GINS1: variants seen among roughly 807,000 people sequenced by gnomAD.
GINS1 encodes DNA replication complex GINS protein PSF1.
In GINS1, 26 loss-of-function variants were observed where a neutral mutation model predicts 34.9. The ratio of observed to expected loss-of-function variants is 0.74; its 90% CI spans 0.55 to 1.03. The LOEUF is 1.03. Ranked by LOEUF, GINS1 falls within the 50% of genes least tolerant of loss-of-function variation. The pLI, the probability that GINS1 is intolerant of heterozygous loss-of-function variation, is 0.00. For missense variants in GINS1, 235 were observed against 237.9 expected, an observed-to-expected ratio of 0.99 and a Z score of 0.08; for synonymous variants, 97 against 84.4, an observed-to-expected ratio of 1.15 and a Z score of -0.82.
chr20:25,444,650 T>C (rs1399028045), intron 6 of GINS1, among the ~76,000 whole-genome samples: 1 of 152,184 alleles, frequency 6.6e-6, no homozygotes, highest in Non-Finnish European at 1.5e-5. Context: ...TTGAAAAGCC[T>C]TCCTGCCTTG....
At chr20:25,427,032 C>T (rs1387102147) in intron 5 of GINS1, among the ~76,000 whole-genome samples, 2 of 152,078 alleles carry the variant, frequency 1.3e-5, no homozygotes, top group African/African-American at 2.4e-5. Flanking sequence ...AGTGGAATTA[C>T]TAGATCATAT....
At chr20:25,429,801 A>G (rs1002500102) in intron 5 of GINS1, among the ~76,000 whole-genome samples, 1 of 152,172 alleles carries the variant, frequency 6.6e-6, no homozygotes, top group African/African-American at 2.4e-5. Flanking sequence ...TTAGAATCCT[A>G]TTTCTTTTTC....
Position 25,447,115 on chromosome 20 carries a change from C to T in GINS1, c.*1124C>T, listed in dbSNP as rs1379577127. The T allele has an allele frequency of 3.3e-5, 5 of 152,012 alleles. No individual in the cohort carries two copies. The highest frequency in any genetic ancestry group is 1.2e-4 in the African/African-American group (5 of 41,364). 9.4% of individuals were successfully genotyped at this position (152,012 alleles called of 1,614,324 possible). On this transcript the variant is annotated 3_prime_UTR_variant, in exon 7 of 7. Coordinates refer to ENST00000262460, the MANE Select transcript of GINS1 (RefSeq NM_021067.5). ...GGTGCAGTGGCGTGATCTTGGCTCA[C>T]TGCAATCTCTATCCCCTGGGTTCAA...
chr20:25,419,356 CAA>C lies in GINS1; in HGVS notation c.330+1163_330+1164del, dbSNP rs546253564. Among the ~76,000 whole-genome samples, 478 of 142,506 alleles carry C rather than the reference CAA, an allele frequency of 3.4e-3. 1 individual carries two copies. The highest frequency in any genetic ancestry group is 0.015 in the Middle Eastern group (4 of 272). The allele number at this position is 142,506 out of a possible 152,430, so 93.5% of individuals were successfully genotyped here. ...CCAGAACTTAAAGAAAAAAAAAAAA[CAA>C]ATATTCAATGTGTTTGCCATTAGAT... On this transcript the variant is annotated intron_variant, in intron 4 of 6. Transcript: ENST00000262460.
chr20:25,440,829 A>AAG (rs1416433100), intron 5 of GINS1, among the ~76,000 whole-genome samples: 3 of 150,464 alleles, frequency 2.0e-5, no homozygotes, highest in African/African-American at 7.4e-5. Context: ...AAAAAAAAAA[A>AAG]AAAGAAAGAA....
At chr20:25,426,448 G>A (rs2090391349) in intron 5 of GINS1, among the ~76,000 whole-genome samples, 1 of 151,990 alleles carries the variant, frequency 6.6e-6, no homozygotes, top group South Asian at 2.1e-4. Flanking sequence ...CCAGCTACTT[G>A]GGAGGCTGAG....
At chr20:25,441,624 G>A in intron 5 of GINS1, 78 bp from the exon 6 acceptor site, 1 of 726,114 alleles carries the variant, frequency 1.4e-6, no homozygotes, top group Non-Finnish European at 2.4e-6. Context: ...CTGTGTATTT[G>A]TATAATGCTG....
chr20:25,420,805 GA>G (rs1181133516), intron 4 of GINS1: 20 of 877,328 alleles, frequency 2.3e-5, no homozygotes, highest in Middle Eastern at 1.2e-3. Context: ...AAGAAAAAAA[GA>G]AAAAGAATAA....
intron 5 of GINS1, among the ~76,000 whole-genome samples, chr20:25,439,322 G>A (rs1001137089): frequency 2.0e-5 from 3 of 152,128 alleles, no homozygotes; most frequent in African/African-American, 7.2e-5. Context: ...GAAACTCAGG[G>A]ACAAAGGAAC....
rs2090510418 is a variant in GINS1 at position 25,446,027 on chromosome 20, C to T, written c.*36C>T. The T allele has an allele frequency of 1.6e-6, 2 of 1,231,558 alleles. No individual in the cohort carries two copies. Among genetic ancestry groups the T allele is most frequent in the Admixed American group, 1.7e-5 (1 of 57,214 alleles). 76.3% of individuals were successfully genotyped at this position (1,231,558 alleles called of 1,614,324 possible). On this transcript the variant is annotated 3_prime_UTR_variant, in exon 7 of 7. Coordinates refer to ENST00000262460, the MANE Select transcript of GINS1 (RefSeq NM_021067.5). ...AGGCACTTCCAGGCTTCACTCAACT[C>T]ATGGACTCCTCTGTACTCACTCTCT...
intron 1 of GINS1, among the ~76,000 whole-genome samples, chr20:25,411,723 G>C (rs2090286241): frequency 6.6e-6 from 1 of 151,770 alleles, no homozygotes; most frequent in African/African-American, 2.4e-5. Context: ...TGGGTGGATT[G>C]CCTGAGGTCA....
At chr20:25,425,362 A>T in intron 5 of GINS1, 35 bp downstream of exon 5, 1 of 850,984 alleles carries the variant, frequency 1.2e-6, no homozygotes, top group Admixed American at 1.9e-5. Flanking sequence ...TTTTTCTTTA[A>T]TGTGTAAATT....
At chr20:25,419,362 T>C (rs2090340967) in intron 4 of GINS1, among the ~76,000 whole-genome samples, 1 of 151,736 alleles carries the variant, frequency 6.6e-6, no homozygotes, top group Admixed American at 6.6e-5. Flanking sequence ...AAAACAAATA[T>C]TCAATGTGTT....
chr20:25,417,914 C>G (rs2090331275), intron 3 of GINS1, among the ~76,000 whole-genome samples, 191 bp from the exon 4 acceptor site: 2 of 152,164 alleles, frequency 1.3e-5, no homozygotes, highest in South Asian at 2.1e-4. Context: ...TTTCCCAGGA[C>G]TACTGTGCTG....
At chr20:25,429,764 A>G (rs2090417003) in intron 5 of GINS1, among the ~76,000 whole-genome samples, 1 of 152,224 alleles carries the variant, frequency 6.6e-6, no homozygotes. Flanking sequence ...ATCTGCAAAC[A>G]GATAATTTTA....
intron 1 of GINS1, among the ~76,000 whole-genome samples, chr20:25,412,281 C>T (rs910798743): frequency 2.0e-5 from 3 of 151,842 alleles, no homozygotes; most frequent in African/African-American, 2.4e-5. Context: ...AAGCTGGGCC[C>T]AGTGGCTCAT....
intron 5 of GINS1, among the ~76,000 whole-genome samples, chr20:25,437,206 C>T (rs1345497920): frequency 6.6e-6 from 1 of 152,190 alleles, no homozygotes. Flanking sequence ...CTTTAAATCC[C>T]CTGGAATTCA....
intron 4 of GINS1, among the ~76,000 whole-genome samples, chr20:25,422,259 C>T (rs2090360002): frequency 6.6e-6 from 1 of 151,992 alleles, no homozygotes; most frequent in Non-Finnish European, 1.5e-5. Context: ...TTTGTGCAGA[C>T]TAATCACTTC....
At chr20:25,434,200 C>T (rs1444212809) in intron 5 of GINS1, among the ~76,000 whole-genome samples, 1 of 151,976 alleles carries the variant, frequency 6.6e-6, no homozygotes, top group Non-Finnish European at 1.5e-5. Flanking sequence ...AGGAGAATCA[C>T]TTGAACCAGG....
Sources: gnomAD v4.1 joint callset for allele counts (sites outside exome capture counted in the v4.1 genomes callset) on GRCh38, gnomAD v4.1.1 for gene constraint, MANE v1.5 for transcripts, NCBI Gene and HGNC (gene_info 2026-07-23, HGNC 2026-07-21) for gene names.